Variants in IL1RAPL1 observed in about 807,000 individuals in gnomAD.
IL1RAPL1 encodes the protein interleukin 1 receptor accessory protein like 1.
A neutral mutation model predicts 48.4 loss-of-function variants in IL1RAPL1; 3 were observed. That is an observed-to-expected ratio of 0.06 (90% CI 0.03 to 0.16). IL1RAPL1 has a LOEUF of 0.16. IL1RAPL1 is among the 10% of genes least tolerant of loss of function. The pLI, the probability that IL1RAPL1 is intolerant of heterozygous loss-of-function variation, is 1.00. For missense variants in IL1RAPL1, 349 were observed against 530.6 expected (o/e 0.66, Z 3.36); for synonymous variants, 185 against 187.7 (o/e 0.99, Z 0.12).
intron 6 of IL1RAPL1, among the ~76,000 whole-genome samples, chrX:29,883,370 C>G (rs1468442072): frequency 9.0e-6 from 1 of 111,349 alleles, no homozygotes; most frequent in East Asian, 2.8e-4. Context: ...GCCTGCAATT[C>G]AGTCATAAAA....
chrX:29,028,476 C>T (rs1383767213), intron 2 of IL1RAPL1, among the ~76,000 whole-genome samples: 26 of 108,880 alleles, frequency 2.4e-4, no homozygotes, highest in Non-Finnish European at 4.2e-4. Context: ...TTAGTAGAGA[C>T]GGGGTTTCAC....
At chrX:29,712,386 C>T (rs775819598) in intron 6 of IL1RAPL1, among the ~76,000 whole-genome samples, 3 of 111,074 alleles carry the variant, frequency 2.7e-5, no homozygotes, top group Admixed American at 9.6e-5. Context: ...TACAAGCTGG[C>T]GTGTCAAATA....
At chrX:29,548,697 C>T (rs1248421082) in intron 5 of IL1RAPL1, among the ~76,000 whole-genome samples, 1 of 111,693 alleles carries the variant, frequency 9.0e-6, no homozygotes, top group Non-Finnish European at 1.9e-5. Flanking sequence ...TCAATAACAA[C>T]CCTTGGATAT....
chrX:29,639,107 A>G (rs1925073916), intron 5 of IL1RAPL1, among the ~76,000 whole-genome samples: 1 of 105,785 alleles, frequency 9.5e-6, no homozygotes, highest in Non-Finnish European at 1.9e-5. Context: ...AATGGCGTGA[A>G]CCCAGGAGGC....
At chrX:29,875,035 A>G (rs1305000197) in intron 6 of IL1RAPL1, among the ~76,000 whole-genome samples, 1 of 111,972 alleles carries the variant, frequency 8.9e-6, no homozygotes, top group Non-Finnish European at 1.9e-5. Context: ...CCCCACACAT[A>G]CACTTCTCTA....
At chrX:28,771,969 A>C (rs1182334394) in intron 1 of IL1RAPL1, among the ~76,000 whole-genome samples, 1 of 110,113 alleles carries the variant, frequency 9.1e-6, no homozygotes, top group Non-Finnish European at 1.9e-5. Context: ...AGAAAAAAGA[A>C]AATTGCTAGA....
intron 2 of IL1RAPL1, among the ~76,000 whole-genome samples, chrX:28,848,326 AAAAT>A (rs1048787237): frequency 4.6e-4 from 51 of 111,598 alleles, no homozygotes; most frequent in African/African-American, 1.1e-3. Context: ...AACTTAAAGT[AAAAT>A]AAATAAATAA....
intron 2 of IL1RAPL1, among the ~76,000 whole-genome samples, chrX:28,933,152 A>G (rs936799027): frequency 8.9e-6 from 1 of 112,008 alleles, no homozygotes; most frequent in African/African-American, 3.2e-5. Context: ...TTATGTATAC[A>G]CTGTAGACAT....
intron 2 of IL1RAPL1, among the ~76,000 whole-genome samples, chrX:28,957,696 T>C (rs1004345565): frequency 9.1e-6 from 1 of 110,216 alleles, no homozygotes; most frequent in African/African-American, 3.3e-5. Flanking sequence ...GCTCGGTGGC[T>C]CACGCCTGTA....
intron 2 of IL1RAPL1, among the ~76,000 whole-genome samples, chrX:28,874,130 G>T (rs971208697): frequency 4.5e-5 from 5 of 111,413 alleles, no homozygotes; most frequent in African/African-American, 1.6e-4. Context: ...ATTGTGTTTT[G>T]CAGTGTCTGA....
intron 1 of IL1RAPL1, among the ~76,000 whole-genome samples, chrX:28,768,061 T>C (rs1936261994): frequency 2.7e-5 from 3 of 111,661 alleles, no homozygotes; most frequent in South Asian, 3.7e-4. Context: ...AAAGATATAA[T>C]GGGCTCTAAT....
chrX:29,124,762 G>A (rs994739466), intron 2 of IL1RAPL1, among the ~76,000 whole-genome samples: 1 of 111,886 alleles, frequency 8.9e-6, no homozygotes, highest in Non-Finnish European at 1.9e-5. Context: ...AAAAGAATAA[G>A]AAAGTAATGA....
chrX:29,913,333 C>T (rs1055245315), intron 6 of IL1RAPL1, among the ~76,000 whole-genome samples: 6 of 109,767 alleles, frequency 5.5e-5, no homozygotes, highest in African/African-American at 1.7e-4. Flanking sequence ...TCTGTTCTGC[C>T]TATATTGAGA....
At chrX:29,179,773 T>C (rs1421742250) in intron 2 of IL1RAPL1, among the ~76,000 whole-genome samples, 1 of 111,734 alleles carries the variant, frequency 8.9e-6, no homozygotes, top group African/African-American at 3.3e-5. Flanking sequence ...TGGTTTTGAG[T>C]ATTGAGTCCT....
At chrX:28,869,527 T>G (rs1157971706) in intron 2 of IL1RAPL1, among the ~76,000 whole-genome samples, 4 of 112,029 alleles carry the variant, frequency 3.6e-5, no homozygotes, top group Non-Finnish European at 5.6e-5. Context: ...TAAAAGAAAG[T>G]AAAGTGGGAT....
At chrX:29,250,659 T>G (rs781575652) in intron 2 of IL1RAPL1, among the ~76,000 whole-genome samples, 1 of 111,702 alleles carries the variant, frequency 9.0e-6, no homozygotes, top group Non-Finnish European at 1.9e-5. Flanking sequence ...AATAAGAATC[T>G]TTCTGCAAGG....
intron 5 of IL1RAPL1, among the ~76,000 whole-genome samples, chrX:29,592,026 C>T (rs1401561030): frequency 9.0e-6 from 1 of 111,444 alleles, no homozygotes; most frequent in Non-Finnish European, 1.9e-5. Flanking sequence ...CGGGTGAAAA[C>T]CTAAAATGGG....
At chrX:29,489,741 C>T (rs1454250515) in intron 5 of IL1RAPL1, among the ~76,000 whole-genome samples, 1 of 111,750 alleles carries the variant, frequency 8.9e-6, no homozygotes, top group Non-Finnish European at 1.9e-5. Context: ...CCACCAACAT[C>T]TTATAGTTAA....
At chrX:29,463,566 T>C (rs1455911039) in intron 5 of IL1RAPL1, among the ~76,000 whole-genome samples, 2 of 111,732 alleles carry the variant, frequency 1.8e-5, no homozygotes, top group African/African-American at 6.5e-5. Flanking sequence ...GTTTAAAAGA[T>C]GTATTTGCTT....
Sources: allele counts gnomAD v4.1 joint callset (sites outside exome capture counted in the v4.1 genomes callset), GRCh38; gene constraint gnomAD v4.1.1; transcripts MANE v1.5; gene names NCBI Gene and HGNC (gene_info 2026-07-23, HGNC 2026-07-21).